SPATA6L: variants seen among roughly 807,000 people sequenced by gnomAD.
The protein encoded by SPATA6L is spermatogenesis associated 6-like protein.
In SPATA6L, 68 loss-of-function variants were observed where a neutral mutation model predicts 49.2. The ratio of observed to expected loss-of-function variants is 1.38; its 90% CI spans 1.14 to 1.69. The LOEUF (loss-of-function observed/expected upper bound fraction) is 1.69, where lower values mean the gene tolerates loss of function less well. Among genes scored for constraint, SPATA6L ranks in the 40% most tolerant of loss-of-function variants. SPATA6L has a pLI of 0.00. For synonymous variants in SPATA6L, 198 were observed against 165.7 expected (o/e 1.19, Z -1.50); for missense variants, 668 against 464.3 (o/e 1.44, Z -4.03).
chr9:4,656,482 AAGGAAGGAAGGAAGGAAGGAAGGG>A lies in SPATA6L; in HGVS notation c.178-417_178-394del, dbSNP rs1292750827. ...GAAGGAAGGAAGGAAGGAAGGAAGGAAGGAAGGAAGGAAGGAAGGAAGGGAGGAGCCGTAAATTATATTCTTCCA... is the reference window on the plus strand; with the variant it reads ...GAAGGAAGGAAGGAAGGAAGGAAGGAAGGAGCCGTAAATTATATTCTTCCA... On this transcript the variant is annotated intron_variant, in intron 2 of 11. Coordinates refer to ENST00000682582, the MANE Select transcript of SPATA6L (RefSeq NM_001353486.2). 3.2e-3 allele frequency among the ~76,000 whole-genome samples: 480 copies of A among 149,222 alleles called. 4 individuals carry two copies. Among genetic ancestry groups the A allele is most frequent in the African/African-American group, 0.01 (408 of 39,226 alleles).
At chr9:4,629,707 T>C (rs73641478) in intron 4 of SPATA6L, among the ~76,000 whole-genome samples, 2,149 of 150,238 alleles carry the variant, frequency 0.014, 49 homozygotes, top group African/African-American at 0.05. Context: ...TTTCTATTTC[T>C]ATTTTTTGTT....
chr9:4,624,410 T>C (rs556524880), intron 6 of SPATA6L, among the ~76,000 whole-genome samples: 4 of 152,214 alleles, frequency 2.6e-5, no homozygotes, highest in Non-Finnish European at 4.4e-5. Flanking sequence ...AACTTTTCTA[T>C]GTTTTCCATT....
intron 3 of SPATA6L, among the ~76,000 whole-genome samples, chr9:4,648,221 A>T (rs967586687): frequency 1.3e-5 from 2 of 152,236 alleles, no homozygotes; most frequent in African/African-American, 4.8e-5. Flanking sequence ...ACAAAACTTT[A>T]ATGCCAAGAA....
intron 13 of SPATA6L, among the ~76,000 whole-genome samples, chr9:4,589,206 G>A (rs928135344): frequency 2.0e-5 from 3 of 152,236 alleles, no homozygotes; most frequent in African/African-American, 7.2e-5. Flanking sequence ...AGCAGTCAAT[G>A]AGAAAATGCA....
intron 3 of SPATA6L, among the ~76,000 whole-genome samples, chr9:4,647,879 G>C (rs1282809795): frequency 6.7e-6 from 1 of 150,324 alleles, no homozygotes; most frequent in East Asian, 1.9e-4. Context: ...CTGTCACCCA[G>C]GGTGGAGGGC....
At chr9:4,659,874 C>T (rs980424371) in intron 2 of SPATA6L, among the ~76,000 whole-genome samples, 1 of 152,090 alleles carries the variant, frequency 6.6e-6, no homozygotes, top group South Asian at 2.1e-4. Context: ...GAAATAATAC[C>T]ACACATCCAC....
chr9:4,608,792 A>C (rs900894314), intron 9 of SPATA6L, among the ~76,000 whole-genome samples: 2 of 151,966 alleles, frequency 1.3e-5, no homozygotes, highest in Non-Finnish European at 2.9e-5. Context: ...AAATAACTAA[A>C]ATCAGAGCAG....
At chr9:4,643,365 T>C (rs1035914620) in intron 3 of SPATA6L, among the ~76,000 whole-genome samples, 1 of 152,216 alleles carries the variant, frequency 6.6e-6, no homozygotes, top group Non-Finnish European at 1.5e-5. Flanking sequence ...GGAAGGGGCA[T>C]GCCATGCACT....
intron 2 of SPATA6L, among the ~76,000 whole-genome samples, chr9:4,661,239 G>A (rs910473065): frequency 6.6e-6 from 1 of 152,120 alleles, no homozygotes; most frequent in African/African-American, 2.4e-5. Flanking sequence ...ACTTATTAAG[G>A]TTAAAATTGA....
intron 5 of SPATA6L, chr9:4,627,646 A>G: frequency 1.0e-6 from 1 of 983,162 alleles, no homozygotes; most frequent in Non-Finnish European, 1.4e-6. Flanking sequence ...CAATAAGGTA[A>G]AAGCAAAACA....
chr9:4,604,395 T>C lies in SPATA6L; in HGVS notation c.1090-126A>G, dbSNP rs188941691. On this transcript the variant is annotated intron_variant, in intron 10 of 11. Coordinates refer to ENST00000682582, the MANE Select transcript of SPATA6L (RefSeq NM_001353486.2). The stretch of plus-strand genomic sequence containing the variant: ...ATTTATGCCGTTATATGGGGTTCAC[T>C]ATATATGTGTGTATATAGAATCTTT... The C allele has an allele frequency of 8.7e-4, 494 of 567,748 alleles. 4 individuals are homozygous for C. The African/African-American group carries it at 8.8e-3, about 10-fold the overall frequency. The allele number at this position is 567,748 out of a possible 1,614,324, so 35.2% of individuals were successfully genotyped here. A position where few individuals can be genotyped will look rare whatever the true frequency, so the allele number is the denominator to read the frequency against.
At chr9:4,614,455 T>C (rs1171520601) in intron 9 of SPATA6L, among the ~76,000 whole-genome samples, 1 of 152,156 alleles carries the variant, frequency 6.6e-6, no homozygotes, top group Admixed American at 6.5e-5. Flanking sequence ...ATTGCTGGTA[T>C]GAAAAGAACA....
chr9:4,654,537 T>C (rs1837655749), intron 3 of SPATA6L, among the ~76,000 whole-genome samples: 2 of 152,222 alleles, frequency 1.3e-5, no homozygotes, highest in Non-Finnish European at 1.5e-5. Flanking sequence ...CAGAGGGCTT[T>C]CTGTACCCCC....
intron 7 of SPATA6L, among the ~76,000 whole-genome samples, chr9:4,622,183 C>G (rs1829464517): frequency 6.6e-6 from 1 of 152,230 alleles, no homozygotes; most frequent in Admixed American, 6.5e-5. Context: ...CAGCACGCCG[C>G]TCAGAACGGT....
chr9:4,646,206 A>C, intron 3 of SPATA6L: 1 of 229,940 alleles, frequency 4.3e-6, no homozygotes, highest in Non-Finnish European at 8.4e-6. Context: ...AGGACTGAAA[A>C]AATTATTTAA....
At chr9:4,663,627 G>C (rs1407244084) in intron 1 of SPATA6L, 1 of 221,862 alleles carries the variant, frequency 4.5e-6, no homozygotes, top group African/African-American at 2.3e-5. Flanking sequence ...CATACCACTT[G>C]TAAACTGAAC....
intron 9 of SPATA6L, among the ~76,000 whole-genome samples, chr9:4,605,960 T>G (rs1216990486): frequency 6.6e-6 from 1 of 152,098 alleles, no homozygotes; most frequent in Non-Finnish European, 1.5e-5. Context: ...GCGCGCACCG[T>G]GCGCGAGCCG....
At chr9:4,618,596 A>C (rs1465426148) in intron 8 of SPATA6L, among the ~76,000 whole-genome samples, 1 of 152,204 alleles carries the variant, frequency 6.6e-6, no homozygotes, top group African/African-American at 2.4e-5. Flanking sequence ...GAGAAAAAGC[A>C]ATGAAAATCA....
intron 9 of SPATA6L, among the ~76,000 whole-genome samples, chr9:4,612,550 GGA>G (rs1191569013): frequency 6.6e-6 from 1 of 152,184 alleles, no homozygotes; most frequent in African/African-American, 2.4e-5. Context: ...CTCCTGTAGA[GGA>G]GGTCAGCTGC....
Sources: allele counts gnomAD v4.1 joint callset (sites outside exome capture counted in the v4.1 genomes callset), GRCh38; gene constraint gnomAD v4.1.1; transcripts MANE v1.5; gene names NCBI Gene and HGNC (gene_info 2026-07-23, HGNC 2026-07-21).